The following CHD6 variants were observed in gnomAD, a reference collection of about 807,000 sequenced individuals.
The protein encoded by CHD6 is chromodomain helicase DNA binding protein 6.
Under a neutral mutation model 276.9 loss-of-function variants are expected in CHD6, and 50 were observed. The observed-to-expected ratio is 0.18, with a 90% CI of 0.14 to 0.23. The LOEUF (loss-of-function observed/expected upper bound fraction) is 0.23, where lower values mean the gene tolerates loss of function less well. Among genes scored for constraint, CHD6 ranks in the 10% least tolerant of loss-of-function variants. The pLI is 1.00. For missense variants in CHD6, 2,564 were observed against 3,365.8 expected (o/e 0.76, Z 5.89); for synonymous variants, 1,173 against 1,229.3 (o/e 0.95, Z 0.96).
intron 14 of CHD6, 52 bp downstream of exon 14, chr20:41,487,613 T>C (rs2043448343): frequency 1.3e-6 from 2 of 1,539,652 alleles, no homozygotes; most frequent in Non-Finnish European, 1.7e-6. Flanking sequence ...GCTCTTTTCT[T>C]GATGAAGATA....
Position 41,533,064 on chromosome 20 carries a change from C to T in CHD6, c.540G>A (p.Lys180=). 1 of 1,596,006 alleles carries T rather than the reference C, an allele frequency of 6.3e-7. No homozygotes were observed. The highest frequency in any genetic ancestry group is 8.5e-7 in the Non-Finnish European group (1 of 1,174,546). ...RSCTDSAART[K]SRKASKEQGP... ...AAGGAACGTACCTGGCCTTCCTGGA[C>T]TTCGTCCTGGCTGCAGAGTCAGTGC... The change falls in exon 3 of 37, where the codon AAG becomes AAA. Residue 180 remains lysine, a synonymous_variant. Transcript: ENST00000373233.
chr20:41,508,322 C>T (rs917263595), intron 5 of CHD6, among the ~76,000 whole-genome samples: 3 of 151,898 alleles, frequency 2.0e-5, no homozygotes, highest in Non-Finnish European at 2.9e-5. Flanking sequence ...GTAGCCACAT[C>T]TTTAAAAAAA....
intron 1 of CHD6, among the ~76,000 whole-genome samples, chr20:41,588,527 C>A (rs2045620539): frequency 6.6e-6 from 1 of 152,038 alleles, no homozygotes; most frequent in Admixed American, 6.6e-5. Context: ...ATACCCATGC[C>A]CAAAATGAAG....
intron 4 of CHD6, among the ~76,000 whole-genome samples, chr20:41,513,628 A>C (rs2044174114): frequency 6.6e-6 from 1 of 152,188 alleles, no homozygotes; most frequent in South Asian, 2.1e-4. Context: ...ACCTTTTAAT[A>C]ATCAACAACA....
Position 41,485,168 on chromosome 20 carries a change from G to A in CHD6, c.2002-561C>T, listed in dbSNP as rs185267377. Among the ~76,000 whole-genome samples, 113 of 152,090 alleles carry A rather than the reference G, an allele frequency of 7.4e-4. 1 individual carries two copies. The highest frequency in any genetic ancestry group is 5.9e-5 in the Non-Finnish European group (4 of 68,018). ...TCTATCATGGAATCTGTCACATCAG[G>A]GGCACTTTAAGTCTGATGGTGTTCT... On this transcript the variant is annotated intron_variant, in intron 14 of 36. Coordinates refer to ENST00000373233, the MANE Select transcript of CHD6 (RefSeq NM_032221.5).
At chr20:41,566,152 C>G (rs1174093301) in intron 1 of CHD6, among the ~76,000 whole-genome samples, 1 of 152,184 alleles carries the variant, frequency 6.6e-6, no homozygotes, top group Non-Finnish European at 1.5e-5. Flanking sequence ...TGACACCCCA[C>G]ATAATTTTCT....
At chr20:41,583,814 T>C (rs887382139) in intron 1 of CHD6, among the ~76,000 whole-genome samples, 3 of 152,124 alleles carry the variant, frequency 2.0e-5, no homozygotes, top group African/African-American at 7.2e-5. Context: ...TAGTATAATA[T>C]GGGAAGGTAG....
intron 24 of CHD6, among the ~76,000 whole-genome samples, chr20:41,447,572 A>C (rs2048108408): frequency 1.3e-5 from 2 of 152,388 alleles, no homozygotes; most frequent in South Asian, 4.1e-4. Flanking sequence ...TCAGATCAGT[A>C]ACCGACACTC....
intron 2 of CHD6, among the ~76,000 whole-genome samples, chr20:41,540,510 T>C (rs1317363641): frequency 1.3e-5 from 2 of 152,230 alleles, no homozygotes; most frequent in Admixed American, 6.5e-5. Flanking sequence ...AGACAATCCA[T>C]GTTTCTCCCA....
In CHD6 at chr20:41,421,852, G is replaced by A. The variant is rs753029877; in HGVS notation, c.4783C>T (p.Arg1595Cys). 5.0e-6 allele frequency: 8 copies of A among 1,614,144 alleles called. No individual in the cohort carries two copies. Among genetic ancestry groups the A allele is most frequent in the Non-Finnish European group, 4.2e-6 (5 of 1,180,012 alleles). ...TCGTTCATGATGTAACAGTCAGTGCGGTTCAGCCCATGTTTGGCAGTGCCG... is the reference window on the plus strand; with the variant it reads ...TCGTTCATGATGTAACAGTCAGTGCAGTTCAGCCCATGTTTGGCAGTGCCG... The part of the protein sequence containing the change: ...LIGTAKHGLN[R>C]TDCYIMNDPQ... The change falls in exon 31 of 37, where the codon CGC becomes TGC. Residue 1595 changes from arginine to cysteine, a missense_variant. Physicochemically the swap from Arg to Cys is radical, Grantham distance 180. Around this residue, in one of 7 missense-constraint regions of CHD6, gnomAD observed 515 missense variants for 739.5 expected, o/e 0.70. Coordinates refer to ENST00000373233, the MANE Select transcript of CHD6 (RefSeq NM_032221.5).
chr20:41,534,466 T>G lies in CHD6; in HGVS notation c.34-896A>C, dbSNP rs558414471. 2.6e-4 allele frequency among the ~76,000 whole-genome samples: 39 copies of G among 152,246 alleles called. No homozygotes were observed. In the South Asian group the frequency reaches 4.8e-3, roughly 19 times the overall value. ...CCTGGTAGTTACAGAGACTGTAACA[T>G]TCAGCTGCATATTCCCCCTTCTGTT... On this transcript the variant is annotated intron_variant, in intron 2 of 36. Coordinates refer to ENST00000373233, the MANE Select transcript of CHD6 (RefSeq NM_032221.5).
At chr20:41,444,739 T>C (rs973352926) in intron 25 of CHD6, among the ~76,000 whole-genome samples, 7 of 152,184 alleles carry the variant, frequency 4.6e-5, no homozygotes, top group African/African-American at 1.7e-4. Flanking sequence ...AGCACTGTTC[T>C]AGGTGGTCTA....
intron 31 of CHD6, 145 bp from the exon 32 acceptor site, chr20:41,417,494 T>C: frequency 2.9e-6 from 2 of 696,564 alleles, no homozygotes; most frequent in South Asian, 2.8e-5. Context: ...AATTATGATA[T>C]CTTCTATTTC....
rs367763804 is a variant in CHD6 at position 41,442,854 on chromosome 20, T to C, written c.3878-2725A>G. ...GCGGGTGCCAAAGAGGATGGGCCCA[T>C]GAGGCATCTGTCCAACCTCATCTAA... On this transcript the variant is annotated intron_variant, in intron 25 of 36. Transcript: ENST00000373233. 6.0e-4 allele frequency among the ~76,000 whole-genome samples: 92 copies of C among 152,316 alleles called. 1 individual carries two copies. The East Asian group carries it at 0.015, about 24-fold the overall frequency.
In CHD6 at chr20:41,451,977, A is replaced by G. The variant is rs140362316; in HGVS notation, c.3372T>C (p.His1124=). 5.9e-5 allele frequency: 95 copies of G among 1,613,984 alleles called. No homozygotes were observed. The highest frequency in any genetic ancestry group is 7.7e-5 in the South Asian group (7 of 91,082). ...DILTHGRFKW[H]LNEKDMEMIC... ...TCATCTCCATGTCCTTCTCGTTCAG[A>G]TGCCACTTGAATCGGCCATGAGTCA... The change falls in exon 22 of 37, where the codon CAT becomes CAC. Residue 1124 remains histidine (H), a synonymous_variant. Coordinates refer to ENST00000373233, the MANE Select transcript of CHD6 (RefSeq NM_032221.5).
chr20:41,599,691 G>A (rs991481522), intron 1 of CHD6, among the ~76,000 whole-genome samples: 1 of 152,178 alleles, frequency 6.6e-6, no homozygotes, highest in Non-Finnish European at 1.5e-5. Context: ...GACACAATAA[G>A]TTCCTCTTCA....
chr20:41,423,232 G>A (rs1389108601), intron 30 of CHD6, among the ~76,000 whole-genome samples: 1 of 152,178 alleles, frequency 6.6e-6, no homozygotes, highest in East Asian at 1.9e-4. Context: ...GGAGAAAGTG[G>A]TTGGCAGTCT....
chr20:41,439,038 ACTAAGAGATAAATG>A (rs371993034), intron 26 of CHD6, among the ~76,000 whole-genome samples: 3,846 of 152,264 alleles, frequency 0.025, 71 homozygotes, highest in Non-Finnish European at 0.041. Context: ...TTGGGGAGAA[ACTAAGAGATAAATG>A]CTAAGAGATA....
chr20:41,555,505 C>T (rs555734029), intron 1 of CHD6, among the ~76,000 whole-genome samples: 1 of 151,620 alleles, frequency 6.6e-6, no homozygotes, highest in Non-Finnish European at 1.5e-5. Context: ...GGGCTCCTCA[C>T]TTCTCAGATG....
Sources: gnomAD v4.1 joint callset for allele counts (sites outside exome capture counted in the v4.1 genomes callset) on GRCh38, gnomAD v4.1.1 for gene constraint, gnomAD v4.1.1 regional missense constraint, MANE v1.5 for transcripts, NCBI Gene and HGNC (gene_info 2026-07-23, HGNC 2026-07-21) for gene names.